The following TMEM207 variants were observed in gnomAD, a reference collection of about 807,000 sequenced individuals.
TMEM207 encodes the protein transmembrane protein 207, also known as SRSR846.
A neutral mutation model predicts 17.4 loss-of-function variants in TMEM207; 15 were observed. The ratio of observed to expected loss-of-function variants is 0.86; its 90% CI spans 0.58 to 1.33. The LOEUF is 1.33. Ranked by LOEUF, TMEM207 falls within the 40% of genes most tolerant of loss-of-function variation. TMEM207 has a pLI of 0.00. For missense variants in TMEM207, 205 were observed against 173.8 expected (o/e 1.18, Z -1.01); for synonymous variants, 70 against 65.6 (o/e 1.07, Z -0.33).
chr3:190,445,803 G>A (rs1463661656), intron 2 of TMEM207, among the ~76,000 whole-genome samples: 1 of 152,226 alleles, frequency 6.6e-6, no homozygotes. Flanking sequence ...TAGGATTACA[G>A]GGTTAGCCAC....
intron 3 of TMEM207, among the ~76,000 whole-genome samples, 191 bp downstream of exon 3, chr3:190,441,243 TAGTG>T (rs941992872): frequency 1.2e-4 from 18 of 152,206 alleles, no homozygotes; most frequent in Non-Finnish European, 2.6e-4. Flanking sequence ...TTTTTTAAAA[TAGTG>T]AGTCCTTTTG....
rs188467139 is a variant in TMEM207 at position 190,449,647 on chromosome 3, T to G, written c.75+88A>C. 1.5e-5 allele frequency: 17 copies of G among 1,167,918 alleles called. No individual in the cohort carries two copies. The East Asian group carries it at 3.7e-4, about 25-fold the overall frequency. 72.3% of individuals were successfully genotyped at this position (1,167,918 alleles called of 1,614,324 possible). On this transcript the variant is annotated intron_variant, in intron 1 of 4. Coordinates refer to ENST00000354905, the MANE Select transcript of TMEM207 (RefSeq NM_207316.3). Reference sequence around the variant, plus strand: ...CTTTTAAATGTAGAAGCAGTTAAGTTGCTCACATATAAATCTATAGCAAAT... The same window carrying G: ...CTTTTAAATGTAGAAGCAGTTAAGTGGCTCACATATAAATCTATAGCAAAT...
At chr3:190,436,210 G>A (rs1342302417) in intron 4 of TMEM207, among the ~76,000 whole-genome samples, 1 of 152,188 alleles carries the variant, frequency 6.6e-6, no homozygotes, top group African/African-American at 2.4e-5. Flanking sequence ...AAAAAATTAA[G>A]TTTTGGGAGG....
In TMEM207 at chr3:190,449,722, G is replaced by T; in HGVS notation, c.75+13C>A. ...ACCTCTGAAAACCTTAACCCAGAAA[G>T]AGAGATAGTTACCTGGAATAGCGGC... On this transcript the variant is annotated intron_variant, in intron 1 of 4. Coordinates refer to ENST00000354905, the MANE Select transcript of TMEM207 (RefSeq NM_207316.3). 6.2e-7 allele frequency: 1 copy of T among 1,613,294 alleles called. No individual in the cohort carries two copies. The highest frequency in any genetic ancestry group is 1.6e-4 in the Middle Eastern group (1 of 6,062).
intron 4 of TMEM207, among the ~76,000 whole-genome samples, chr3:190,433,999 C>T (rs1016877449): frequency 6.6e-6 from 1 of 152,220 alleles, no homozygotes; most frequent in Admixed American, 6.5e-5. Context: ...ATTTAAGTTC[C>T]CTGAGGCCTC....
intron 4 of TMEM207, among the ~76,000 whole-genome samples, chr3:190,430,938 T>C (rs1436128654): frequency 6.6e-6 from 1 of 152,198 alleles, no homozygotes; most frequent in African/African-American, 2.4e-5. Context: ...ACTAGTTGCA[T>C]ATTAGGCATT....
chr3:190,429,979 C>A (rs950289527), intron 4 of TMEM207, among the ~76,000 whole-genome samples: 2 of 152,098 alleles, frequency 1.3e-5, no homozygotes, highest in South Asian at 4.1e-4. Context: ...GAAGCATTTA[C>A]AATTTAGGAG....
At chr3:190,435,223 A>C (rs1176645583) in intron 4 of TMEM207, among the ~76,000 whole-genome samples, 2 of 152,160 alleles carry the variant, frequency 1.3e-5, no homozygotes. Context: ...ATCCACGACC[A>C]AGGTTTCGGC....
chr3:190,439,439 A>C (rs961254092), intron 4 of TMEM207, among the ~76,000 whole-genome samples: 5 of 152,292 alleles, frequency 3.3e-5, no homozygotes, highest in South Asian at 4.1e-4. Flanking sequence ...TTTAGCTATT[A>C]TCTCTGTTAA....
chr3:190,429,611 A>G lies in TMEM207; in HGVS notation c.425T>C (p.Ile142Thr), dbSNP rs926052189. 7 of 1,613,464 alleles carry G rather than the reference A, an allele frequency of 4.3e-6. No homozygotes were observed. Among genetic ancestry groups the G allele is most frequent in the Middle Eastern group, 1.7e-4 (1 of 6,056 alleles). ...CACCTAAAATCAGGTTGTTTTTACA[A>G]TTTCTTCATATGGAGGTGGGGAGCC... ...PLGSPPPYEE[I>T]VKTT Residue 142 changes from isoleucine to threonine, a missense_variant, in exon 5 of 5, where the codon ATT (isoleucine) becomes ACT (threonine). Coordinates refer to ENST00000354905, the MANE Select transcript of TMEM207 (RefSeq NM_207316.3).
rs1719934674 is a variant in TMEM207, at chr3:190,441,431, T to G, written c.158+7A>C. On this transcript the variant is annotated splice_region_variant and intron_variant, in intron 3 of 4. Transcript: ENST00000354905. ...TGTCATATAAAACAAATGGAAGATA[T>G]CCTTACCAGATATACCAGCCATTAG... The G allele has an allele frequency of 6.2e-7, 1 of 1,605,810 alleles. No homozygotes were observed. Among genetic ancestry groups the G allele is most frequent in the Non-Finnish European group, 8.5e-7 (1 of 1,173,722 alleles).
At chr3:190,438,607 A>G (rs561990029) in intron 4 of TMEM207, among the ~76,000 whole-genome samples, 1 of 152,354 alleles carries the variant, frequency 6.6e-6, no homozygotes, top group African/African-American at 2.4e-5. Flanking sequence ...AAGATTCAAG[A>G]TAGTCGAGGA....
intron 4 of TMEM207, among the ~76,000 whole-genome samples, chr3:190,439,531 A>T (rs900978586): frequency 6.6e-6 from 1 of 152,222 alleles, no homozygotes; most frequent in Non-Finnish European, 1.5e-5. Context: ...CCAATACTTA[A>T]GATGAAGAAA....
chr3:190,444,076 C>T (rs1021254714), intron 2 of TMEM207, among the ~76,000 whole-genome samples: 6 of 152,248 alleles, frequency 3.9e-5, no homozygotes, highest in Middle Eastern at 3.4e-3. Context: ...TTAGATTACA[C>T]ATTTATGAAT....
chr3:190,438,299 CT>C (rs535891750), intron 4 of TMEM207, among the ~76,000 whole-genome samples: 102 of 141,428 alleles, frequency 7.2e-4, no homozygotes, highest in East Asian at 8.4e-4. Flanking sequence ...GTTTTTTTTT[CT>C]TTTTTTTTTT....
chr3:190,444,119 C>T (rs1719994996), intron 2 of TMEM207, among the ~76,000 whole-genome samples: 1 of 152,144 alleles, frequency 6.6e-6, no homozygotes, highest in South Asian at 2.1e-4. Context: ...TGCAGAGTTG[C>T]TTCATTGGTT....
chr3:190,443,557 G>A (rs1719981074), intron 2 of TMEM207, among the ~76,000 whole-genome samples: 1 of 152,080 alleles, frequency 6.6e-6, no homozygotes, highest in African/African-American at 2.4e-5. Flanking sequence ...TTTGCACAGT[G>A]TACCACTGAG....
At chr3:190,437,812 G>A (rs896207349) in intron 4 of TMEM207, among the ~76,000 whole-genome samples, 3 of 151,124 alleles carry the variant, frequency 2.0e-5, no homozygotes, top group Admixed American at 6.6e-5. Context: ...TGTTTATTGC[G>A]GCACTATTCA....
At chr3:190,440,651 C>CA (rs1054172687) in intron 3 of TMEM207, among the ~76,000 whole-genome samples, 5 of 152,192 alleles carry the variant, frequency 3.3e-5, no homozygotes, top group African/African-American at 1.2e-4. Flanking sequence ...TTCTAAAAGA[C>CA]AGAGTCTTAA....
Sources: gnomAD v4.1 joint callset for allele counts (sites outside exome capture counted in the v4.1 genomes callset) on GRCh38, gnomAD v4.1.1 for gene constraint, MANE v1.5 for transcripts, NCBI Gene and HGNC (gene_info 2026-07-23, HGNC 2026-07-21) for gene names.